The following IRAG1 variants were observed in gnomAD, a reference collection of about 807,000 sequenced individuals.
IRAG1 encodes the protein inositol 1,4,5-triphosphate receptor associated 1.
A neutral mutation model predicts 106.2 loss-of-function variants in IRAG1; 62 were observed. The ratio of observed to expected loss-of-function variants is 0.58; its 90% CI spans 0.48 to 0.72. IRAG1 has a LOEUF of 0.72. IRAG1 is among the 30% of genes least tolerant of loss of function. IRAG1 has a pLI of 0.00. For synonymous variants in IRAG1, 462 were observed against 443.9 expected, an observed-to-expected ratio of 1.04 and a Z score of -0.51; for missense variants, 1,064 against 1,140.7, an observed-to-expected ratio of 0.93 and a Z score of 0.97.
intron 11 of IRAG1, 125 bp from the exon 12 acceptor site, chr11:10,606,897 A>G: frequency 1.3e-6 from 1 of 782,482 alleles, no homozygotes; most frequent in Non-Finnish European, 2.0e-6. Context: ...TGAGAAGGAA[A>G]AGATGCAATG....
chr11:10,604,502 T>C lies in IRAG1; in HGVS notation c.1646A>G (p.Tyr549Cys), dbSNP rs1854314252. ...QLSLAFRNDS[Y>C]TLESRINQAE... ...CTGGTTAATTCTAGATTCCAGAGTG[T>C]AGCTGTCATTTCTAAAGGCCAAGGA... Residue 549 changes from tyrosine (Y) to cysteine (C), a missense_variant, in exon 13 of 21, where the codon TAC (tyrosine) becomes TGC (cysteine). Tyr to Cys is a radical substitution (Grantham distance 194). Coordinates refer to ENST00000423302, the MANE Select transcript of IRAG1 (RefSeq NM_130385.4). 3 of 1,614,058 alleles carry C rather than the reference T, an allele frequency of 1.9e-6. No homozygotes were observed. The highest frequency in any genetic ancestry group is 2.5e-6 in the Non-Finnish European group (3 of 1,179,894).
At chr11:10,664,675 T>C (rs1045660633) in intron 1 of IRAG1, among the ~76,000 whole-genome samples, 1 of 152,012 alleles carries the variant, frequency 6.6e-6, no homozygotes, top group African/African-American at 2.4e-5. Flanking sequence ...AGCCATCACA[T>C]CCCCCTGATC....
chr11:10,685,136 A>T (rs1277630132), intron 1 of IRAG1, among the ~76,000 whole-genome samples: 3 of 152,182 alleles, frequency 2.0e-5, no homozygotes, highest in Non-Finnish European at 4.4e-5. Flanking sequence ...ATATACTGGC[A>T]CATAGACATT....
Position 10,693,742 on chromosome 11 carries a change from C to T in IRAG1, c.-140G>A, listed in dbSNP as rs973127706. 7 of 1,019,772 alleles carry T rather than the reference C, an allele frequency of 6.9e-6. No homozygotes were observed. The highest frequency in any genetic ancestry group is 5.0e-5 in the Admixed American group (2 of 39,676). 63.2% of individuals were successfully genotyped at this position (1,019,772 alleles called of 1,614,324 possible). A position where few individuals can be genotyped will look rare whatever the true frequency, so the allele number is the denominator to read the frequency against. On this transcript the variant is annotated 5_prime_UTR_variant, in exon 1 of 21. Coordinates refer to ENST00000423302, the MANE Select transcript of IRAG1 (RefSeq NM_130385.4). ...CTGGGAGCCCCACTCCGGCCTGGCT[C>T]GGGGGATAATGGCAGGGAAAGCCGA...
At chr11:10,662,675 T>G (rs1859490767) in intron 1 of IRAG1, among the ~76,000 whole-genome samples, 1 of 152,222 alleles carries the variant, frequency 6.6e-6, no homozygotes, top group Admixed American at 6.5e-5. Context: ...CACCCTCGTG[T>G]CTGCTGCTGT....
At chr11:10,634,923 CAAAA>C (rs148216713) in intron 2 of IRAG1, among the ~76,000 whole-genome samples, 1 of 151,974 alleles carries the variant, frequency 6.6e-6, no homozygotes, top group African/African-American at 2.4e-5. Context: ...ACTCAGAAAA[CAAAA>C]AAGGCAGTTT....
intron 17 of IRAG1, 50 bp downstream of exon 17, chr11:10,593,442 A>C (rs56399907): frequency 6.5e-7 from 1 of 1,529,722 alleles, no homozygotes; most frequent in South Asian, 1.1e-5. Flanking sequence ...AGTACGAAGG[A>C]AAGGTTATTC....
At chr11:10,663,177 A>G (rs912707113) in intron 1 of IRAG1, among the ~76,000 whole-genome samples, 1 of 152,202 alleles carries the variant, frequency 6.6e-6, no homozygotes, top group Non-Finnish European at 1.5e-5. Flanking sequence ...CTTTGTTCCA[A>G]ATAAAAATAA....
intron 14 of IRAG1, among the ~76,000 whole-genome samples, chr11:10,602,570 T>G (rs1438344783): frequency 2.6e-5 from 4 of 152,250 alleles, no homozygotes; most frequent in African/African-American, 9.6e-5. Flanking sequence ...CCTGGGCCTG[T>G]GCCCCGCTCC....
At chr11:10,679,842 CT>C (rs1000926280) in intron 1 of IRAG1, among the ~76,000 whole-genome samples, 2 of 152,232 alleles carry the variant, frequency 1.3e-5, no homozygotes, top group Admixed American at 6.5e-5. Flanking sequence ...AGGTTTCTGT[CT>C]TGCAGGACAT....
At chr11:10,632,136 TTC>T (rs1856741927) in intron 3 of IRAG1, 75 bp from the exon 4 acceptor site, 2 of 869,360 alleles carry the variant, frequency 2.3e-6, no homozygotes, top group African/African-American at 1.7e-5. Context: ...TGCCTGTATA[TTC>T]TTTTTCTTTT....
chr11:10,653,591 C>T lies in IRAG1; in HGVS notation c.68-1409G>A, dbSNP rs114411120. ...ACACAGGCTTTGGAACCAGATATCT[C>T]GGTGTGAGTCCTCACTTTGCCACTC... On this transcript the variant is annotated intron_variant, in intron 1 of 20. Transcript: ENST00000423302. Among the ~76,000 whole-genome samples the T allele has an allele frequency of 4.0e-3, 606 of 152,204 alleles. 1 individual carries two copies. The highest frequency in any genetic ancestry group is 0.014 in the African/African-American group (575 of 41,532).
intron 10 of IRAG1, among the ~76,000 whole-genome samples, chr11:10,623,092 A>C (rs983964731): frequency 2.6e-5 from 4 of 152,170 alleles, no homozygotes; most frequent in Admixed American, 2.0e-4. Flanking sequence ...TGCCCAGGTC[A>C]CCTGAGTGGT....
chr11:10,683,058 T>C (rs1247520211), intron 1 of IRAG1, among the ~76,000 whole-genome samples: 1 of 152,160 alleles, frequency 6.6e-6, no homozygotes, highest in East Asian at 1.9e-4. Context: ...AAATTTAAAA[T>C]AAAAACCTTC....
rs1852923794 is a variant in IRAG1 at position 10,593,587 on chromosome 11, G to A, written c.2080C>T (p.Arg694Trp). 5 of 1,613,610 alleles carry A rather than the reference G, an allele frequency of 3.1e-6. No individual in the cohort carries two copies. Among genetic ancestry groups the A allele is most frequent in the Non-Finnish European group, 4.2e-6 (5 of 1,179,604 alleles). The change falls in exon 17 of 21, where the codon CGG becomes TGG. Residue 694 changes from arginine to tryptophan, a missense_variant. Arg to Trp is a moderately radical substitution (Grantham distance 101, BLOSUM62 -3). Transcript: ENST00000423302. ...GGAACCACAGCAACGCTGACCCTCC[G>A]GCGAGGCATATTCTGCAGGAAGAGA... Reference protein sequence around the residue: ...SLTLGKNMPRRRVSVAVVPKF... With the variant: ...SLTLGKNMPRWRVSVAVVPKF...
chr11:10,671,048 A>G (rs1163815063), intron 1 of IRAG1, among the ~76,000 whole-genome samples: 1 of 152,254 alleles, frequency 6.6e-6, no homozygotes, highest in African/African-American at 2.4e-5. Flanking sequence ...CAAACATTTA[A>G]TCTTTGAAAT....
chr11:10,617,070 G>GCC (rs1404625279), intron 10 of IRAG1: 3 of 985,202 alleles, frequency 3.0e-6, no homozygotes, highest in Non-Finnish European at 3.6e-6. Context: ...CCTCTTTCCT[G>GCC]CCCAAGACCT....
chr11:10,591,638 A>C, intron 17 of IRAG1, 26 bp from the exon 18 acceptor site: 2 of 1,568,296 alleles, frequency 1.3e-6, no homozygotes, highest in Non-Finnish European at 1.7e-6. Flanking sequence ...AAGACAGAGA[A>C]TTGAGGATGC....
rs554742594 is a variant in IRAG1, at chr11:10,652,857, C to A, written c.68-675G>T. On this transcript the variant is annotated intron_variant, in intron 1 of 20. Coordinates refer to ENST00000423302, the MANE Select transcript of IRAG1 (RefSeq NM_130385.4). Reference sequence around the variant, plus strand: ...ACAGGCTCTCTCATTTGAGTTCAGCCCTTATGGGGACTACACCAGCCCTAC... The same window carrying A: ...ACAGGCTCTCTCATTTGAGTTCAGCACTTATGGGGACTACACCAGCCCTAC... Among the ~76,000 whole-genome samples the A allele has an allele frequency of 1.4e-4, 21 of 152,220 alleles. 1 individual carries two copies. The highest frequency in any genetic ancestry group is 4.3e-4 in the African/African-American group (18 of 41,536).
Sources: gnomAD v4.1 joint callset for allele counts (sites outside exome capture counted in the v4.1 genomes callset) on GRCh38, gnomAD v4.1.1 for gene constraint, MANE v1.5 for transcripts, NCBI Gene and HGNC (gene_info 2026-07-23, HGNC 2026-07-21) for gene names.